NDUFAF1: variants seen among roughly 807,000 people sequenced by gnomAD.
NDUFAF1 encodes complex I intermediate-associated protein 30, mitochondrial.
In NDUFAF1, 18 loss-of-function variants were observed where a neutral mutation model predicts 28.7. The observed-to-expected ratio is 0.63, with a 90% CI of 0.43 to 0.93. The LOEUF (loss-of-function observed/expected upper bound fraction) is 0.93, where lower values mean the gene tolerates loss of function less well. NDUFAF1 is among the 40% of genes least tolerant of loss of function. The probability of loss-of-function intolerance (pLI) is 0.00; values close to 1 mark genes in which losing one functional copy is unlikely to be tolerated. For missense variants in NDUFAF1, 404 were observed against 398.3 expected, an observed-to-expected ratio of 1.01 and a Z score of -0.12; for synonymous variants, 113 against 139.7, an observed-to-expected ratio of 0.81 and a Z score of 1.35.
chr15:41,387,707 G>A, intron 4 of NDUFAF1, 114 bp from the exon 5 acceptor site: 2 of 820,708 alleles, frequency 2.4e-6, no homozygotes, highest in Non-Finnish European at 4.0e-6. Context: ...AATGCTATCA[G>A]CCCTTAGCAA....
intron 2 of NDUFAF1, among the ~76,000 whole-genome samples, chr15:41,395,392 C>T (rs1183822365): frequency 2.0e-4 from 29 of 147,434 alleles, no homozygotes; most frequent in African/African-American, 5.5e-4. Flanking sequence ...TTTTTTGAGA[C>T]GGAGTCTTGC....
chr15:41,396,488 C>A lies in NDUFAF1; in HGVS notation c.572G>T (p.Arg191Met). 6.2e-7 allele frequency: 1 copy of A among 1,614,122 alleles called. No homozygotes were observed. Among genetic ancestry groups the A allele is most frequent in the Non-Finnish European group, 8.5e-7 (1 of 1,180,024 alleles). The change falls in exon 2 of 5, where the codon AGG (arginine) becomes ATG (methionine). Residue 191 changes from arginine to methionine, a missense_variant and splice_region_variant. By Grantham distance (91) the Arg-to-Met change is moderately conservative. Transcript: ENST00000260361. ...CGATGGCTCCTGGGCCTCACCTACC[C>A]TTGGAATCCTGGATATCATTGCACA... is the stretch of plus-strand genomic sequence containing the variant. The part of the protein sequence containing the change: ...GYCAMISRIP[R>M]GAFERKMSYD...
chr15:41,390,234 T>C (rs2050299957), intron 3 of NDUFAF1, among the ~76,000 whole-genome samples: 1 of 152,108 alleles, frequency 6.6e-6, no homozygotes, highest in South Asian at 2.1e-4. Flanking sequence ...AGTGCTAGGA[T>C]TACAGATGTG....
At chr15:41,393,651 G>A (rs2050343491) in intron 3 of NDUFAF1, among the ~76,000 whole-genome samples, 1 of 145,414 alleles carries the variant, frequency 6.9e-6, no homozygotes, top group South Asian at 2.2e-4. Flanking sequence ...GCCCATCTCG[G>A]CTCACTGCCA....
intron 4 of NDUFAF1, among the ~76,000 whole-genome samples, chr15:41,387,876 G>A (rs939517602): frequency 6.6e-6 from 1 of 152,144 alleles, no homozygotes; most frequent in Non-Finnish European, 1.5e-5. Context: ...AACACTGGGA[G>A]GCCAAGGTGG....
chr15:41,401,302 G>C (rs1166413698), intron 1 of NDUFAF1, among the ~76,000 whole-genome samples: 2 of 118,744 alleles, frequency 1.7e-5, no homozygotes, highest in East Asian at 4.8e-4. Flanking sequence ...ATGGAGTCTC[G>C]CTCTGTCACC....
rs373779791 is a variant in NDUFAF1 at position 41,396,640 on chromosome 15, A to G, written c.420T>C (p.Ser140=). 21 of 1,614,036 alleles carry G rather than the reference A, an allele frequency of 1.3e-5. No homozygotes were observed. Among genetic ancestry groups the G allele is most frequent in the Non-Finnish European group, 1.6e-5 (19 of 1,180,054 alleles). The change falls in exon 2 of 5, where the codon TCT becomes TCC. Residue 140 remains serine, a synonymous_variant. Coordinates refer to ENST00000260361, the MANE Select transcript of NDUFAF1 (RefSeq NM_016013.4). ...KEDLDKWTVT[S]DKTIGGRSEV... is the part of the protein sequence containing the mutation. ...CACTTCTGCCTCCAATCGTCTTATC[A>G]GAAGTCACTGTCCACTTATCCAAAT...
rs936363496 is a variant in NDUFAF1 at position 41,402,265 on chromosome 15, G to A, written c.-203C>T. On this transcript the variant is annotated 5_prime_UTR_variant, in exon 1 of 5. Transcript: ENST00000260361. ...ACGTTCCAAGGCTAATTTACCCGAG[G>A]TCACACAGGTAGTGAGTGGCAAAAT... 1 of 454,064 alleles carries A rather than the reference G, an allele frequency of 2.2e-6. No homozygotes were observed. The highest frequency in any genetic ancestry group is 6.9e-4 in the Middle Eastern group (1 of 1,444). The allele number at this position is 454,064 out of a possible 1,614,324, so 28.1% of individuals were successfully genotyped here. A position where few individuals can be genotyped will look rare whatever the true frequency, so the allele number is the denominator to read the frequency against.
At chr15:41,400,085 A>C in intron 1 of NDUFAF1, among the ~76,000 whole-genome samples, 1 of 151,320 alleles carries the variant, frequency 6.6e-6, no homozygotes, top group African/African-American at 2.4e-5. Context: ...AAAATAAAAA[A>C]TTGTAAGGCC....
rs757714372 is a variant in NDUFAF1 at position 41,402,430 on chromosome 15, G to T, written c.-368C>A. ...CCACACCCGGGACACACCAACCGCC[G>T]GCCTGCCGCCGCTTACCTCCCCGAG... On this transcript the variant is annotated 5_prime_UTR_variant, in exon 1 of 5. Transcript: ENST00000260361. The T allele has an allele frequency of 2.3e-6, 1 of 435,488 alleles. No individual in the cohort carries two copies. Among genetic ancestry groups the T allele is most frequent in the African/African-American group, 2.0e-5 (1 of 49,644 alleles). 27.0% of individuals were successfully genotyped at this position (435,488 alleles called of 1,614,324 possible).
At chr15:41,397,475 G>A (rs2050405770) in intron 1 of NDUFAF1, among the ~76,000 whole-genome samples, 1 of 152,072 alleles carries the variant, frequency 6.6e-6, no homozygotes, top group Admixed American at 6.6e-5. Flanking sequence ...AGCACTTTGG[G>A]AGGCTGAGGT....
intron 4 of NDUFAF1, among the ~76,000 whole-genome samples, 191 bp downstream of exon 4, chr15:41,388,257 T>C (rs979461594): frequency 6.6e-6 from 1 of 152,134 alleles, no homozygotes; most frequent in Non-Finnish European, 1.5e-5. Context: ...AAAATGATCC[T>C]TCTAAAATTC....
At chr15:41,400,525 T>A (rs1412705420) in intron 1 of NDUFAF1, among the ~76,000 whole-genome samples, 3 of 149,564 alleles carry the variant, frequency 2.0e-5, no homozygotes, top group African/African-American at 7.4e-5. Context: ...TCCTAATACT[T>A]TTTTTTTTCT....
At chr15:41,402,984 C>A (rs539781877), upstream of NDUFAF1, among the ~76,000 whole-genome samples, 1 of 152,092 alleles carries the variant, frequency 6.6e-6, no homozygotes, top group East Asian at 1.9e-4. Flanking sequence ...CCCGCCTCGG[C>A]CTCCCAAAGT....
At chr15:41,393,289 T>C (rs577478181) in intron 3 of NDUFAF1, among the ~76,000 whole-genome samples, 1 of 144,314 alleles carries the variant, frequency 6.9e-6, no homozygotes, top group South Asian at 2.2e-4. Context: ...CATGCCCGGC[T>C]AATTTTTTTT....
At chr15:41,390,436 T>C (rs1010299378) in intron 3 of NDUFAF1, among the ~76,000 whole-genome samples, 1 of 152,162 alleles carries the variant, frequency 6.6e-6, no homozygotes, top group African/African-American at 2.4e-5. Context: ...TTAAAAATAG[T>C]ATTTTTGTGC....
At position 41,393,480 on chromosome 15, in the gene NDUFAF1, G is replaced by A. The variant is rs542400934; in HGVS notation, c.759+1379C>T. 2.6e-5 allele frequency among the ~76,000 whole-genome samples: 4 copies of A among 151,158 alleles called. No individual in the cohort carries two copies. The South Asian group carries it at 8.4e-4, about 32-fold the overall frequency. The stretch of plus-strand genomic sequence containing the variant: ...TTTTGTATTTTTTTAGTAGAGACGG[G>A]GTTTCACTGTGTTAGCCAGAATGGT... On this transcript the variant is annotated intron_variant, in intron 3 of 4. Transcript: ENST00000260361.
At chr15:41,400,229 G>A (rs1487568675) in intron 1 of NDUFAF1, among the ~76,000 whole-genome samples, 5 of 151,416 alleles carry the variant, frequency 3.3e-5, no homozygotes, top group Non-Finnish European at 5.9e-5. Context: ...AAATTAGCCC[G>A]GTGTGGTGGC....
Position 41,394,953 on chromosome 15 carries a change from T to G in NDUFAF1, c.665A>C (p.Asn222Thr), listed in dbSNP as rs758864377. Residue 222 changes from asparagine (N) to threonine (T), a missense_variant, in exon 3 of 5, where the codon AAT becomes ACT. Transcript: ENST00000260361. ...VRGDGRPWMV[N>T]IKEDTDFFQR... ...GAAGAAATCTGTGTCCTCCTTGATA[T>G]TCACCATCCAAGGCCGACCATCCCC... 6 of 1,614,132 alleles carry G rather than the reference T, an allele frequency of 3.7e-6. No individual in the cohort carries two copies. The highest frequency in any genetic ancestry group is 1.7e-6 in the Non-Finnish European group (2 of 1,179,994).
Sources: gnomAD v4.1 joint callset for allele counts (sites outside exome capture counted in the v4.1 genomes callset) on GRCh38, gnomAD v4.1.1 for gene constraint, MANE v1.5 for transcripts, NCBI Gene and HGNC (gene_info 2026-07-23, HGNC 2026-07-21) for gene names.